ZNF667: variants seen among roughly 807,000 people sequenced by gnomAD.
The protein encoded by ZNF667 is zinc finger protein 667.
A neutral mutation model predicts 31.8 loss-of-function variants in ZNF667; 13 were observed. That is an observed-to-expected ratio of 0.41 (90% CI 0.27 to 0.65). The LOEUF (loss-of-function observed/expected upper bound fraction) is 0.65. Among genes scored for constraint, ZNF667 ranks in the 30% least tolerant of loss-of-function variants. ZNF667 has a pLI of 0.32. For missense variants in ZNF667, 642 were observed against 725.6 expected (o/e 0.88, Z 1.32); for synonymous variants, 228 against 247.1 (o/e 0.92, Z 0.73).
At position 56,471,849 on chromosome 19, in the gene ZNF667, T is replaced by C. The variant is rs1203985793; in HGVS notation, c.-210A>G. ...TTGAGAAGATGATTCTTGTCTGATA[T>C]GGTCTGGCTGTGTCCCCACTCAAAT... On this transcript the variant is annotated 5_prime_UTR_variant, in exon 3 of 7. Coordinates refer to ENST00000504904, the MANE Select transcript of ZNF667 (RefSeq NM_001321356.2). 6.6e-6 allele frequency: 1 copy of C among 152,194 alleles called. No homozygotes were observed. Among genetic ancestry groups the C allele is most frequent in the Non-Finnish European group, 1.5e-5 (1 of 68,042 alleles). The allele number at this position is 152,194 out of a possible 1,614,324, so 9.4% of individuals were successfully genotyped here. A position where few individuals can be genotyped will look rare whatever the true frequency, so the allele number is the denominator to read the frequency against.
chr19:56,475,443 C>T (rs2043384926), intron 1 of ZNF667: 1 of 152,286 alleles, frequency 6.6e-6, no homozygotes. Flanking sequence ...TGTCCATGCG[C>T]TTGCATCACG....
At chr19:56,448,886 CCAGCA>C (rs939314944) in intron 6 of ZNF667, among the ~76,000 whole-genome samples, 47 of 152,278 alleles carry the variant, frequency 3.1e-4, no homozygotes, top group African/African-American at 1.1e-3. Flanking sequence ...CGGGTCAGAC[CCAGCA>C]CAGTCCCAGT....
intron 5 of ZNF667, among the ~76,000 whole-genome samples, chr19:56,460,366 A>G (rs2043019500): frequency 6.6e-6 from 1 of 152,210 alleles, no homozygotes; most frequent in Admixed American, 6.5e-5. Flanking sequence ...AGAGAGATAG[A>G]AAGTGGACTA....
rs1375972238 is a variant in ZNF667, at chr19:56,470,540, T to C, written c.-60+1159A>G. ...GAGCTTTAACTGATGGAGCCTGGATTTGAGGCCCTATCCACAAGCCGCACA... is the reference window on the plus strand; with the variant it reads ...GAGCTTTAACTGATGGAGCCTGGATCTGAGGCCCTATCCACAAGCCGCACA... On this transcript the variant is annotated intron_variant, in intron 3 of 6. Transcript: ENST00000504904. Among the ~76,000 whole-genome samples the C allele has an allele frequency of 2.6e-5, 4 of 152,244 alleles. No individual in the cohort carries two copies. In the East Asian group the frequency reaches 7.7e-4, roughly 29 times the overall value.
chr19:56,476,533 C>G (rs1023559375), intron 1 of ZNF667, among the ~76,000 whole-genome samples: 1 of 152,166 alleles, frequency 6.6e-6, no homozygotes, highest in Non-Finnish European at 1.5e-5. Flanking sequence ...AAGCTCTGTG[C>G]AGGGTGTTTC....
intron 2 of ZNF667, among the ~76,000 whole-genome samples, chr19:56,473,401 T>A (rs8108715): frequency 0.59 from 89,456 of 152,050 alleles, 27,091 homozygotes; most frequent in Middle Eastern, 0.72. Flanking sequence ...AATGCTAAGA[T>A]TTTCATTATT....
At chr19:56,465,592 A>G (rs2043142167) in intron 3 of ZNF667, among the ~76,000 whole-genome samples, 1 of 152,254 alleles carries the variant, frequency 6.6e-6, no homozygotes, top group Non-Finnish European at 1.5e-5. Flanking sequence ...CCAGATGGGA[A>G]GGTGGAAGCA....
upstream of ZNF667, chr19:56,477,608 A>C (rs559397278): frequency 1.8e-3 from 271 of 152,622 alleles, 1 homozygote; most frequent in Non-Finnish European, 2.9e-3. Context: ...CTCCTAGGGG[A>C]CTGGCGCCTG....
chr19:56,449,887 C>CTT (rs1299387998), intron 6 of ZNF667, among the ~76,000 whole-genome samples: 1 of 149,474 alleles, frequency 6.7e-6, no homozygotes. Context: ...ATTGATCAAG[C>CTT]AGAAGAAATA....
At position 56,460,789 on chromosome 19, in the gene ZNF667, G is replaced by A. The variant is rs553552504; in HGVS notation, c.60C>T (p.Ala20=). Residue 20 remains alanine (A), a synonymous_variant, in exon 5 of 7, where the codon GCC becomes GCT. Transcript: ENST00000504904. Reference sequence around the variant, plus strand: ...CCCACTCCTCCTGGGAGAAGTAGATGGCTAAGTCCCCAAATGTTATAGGTG... The same window carrying A: ...CCCACTCCTCCTGGGAGAAGTAGATAGCTAAGTCCCCAAATGTTATAGGTG... ...SKAPITFGDL[A]IYFSQEEWEW... 6.2e-7 allele frequency: 1 copy of A among 1,608,124 alleles called. No homozygotes were observed. Among genetic ancestry groups the A allele is most frequent in the Admixed American group, 1.7e-5 (1 of 58,790 alleles).
chr19:56,448,464 G>C (rs1197202158), intron 6 of ZNF667, among the ~76,000 whole-genome samples: 2 of 152,096 alleles, frequency 1.3e-5, no homozygotes, highest in Non-Finnish European at 2.9e-5. Flanking sequence ...AGAACCAGTG[G>C]ACTTGGGGTA....
At chr19:56,464,417 C>T (rs1490577596) in intron 3 of ZNF667, among the ~76,000 whole-genome samples, 1 of 152,098 alleles carries the variant, frequency 6.6e-6, no homozygotes, top group African/African-American at 2.4e-5. Flanking sequence ...TTGCTTGAGC[C>T]TGGGAGGCAG....
chr19:56,470,722 G>T (rs1004304847), intron 3 of ZNF667, among the ~76,000 whole-genome samples: 1 of 152,136 alleles, frequency 6.6e-6, no homozygotes, highest in Non-Finnish European at 1.5e-5. Flanking sequence ...AGCATATCAT[G>T]TTAAGACTGA....
rs538152342 is a variant in ZNF667, at chr19:56,450,098, A to T, written c.254-7357T>A. 2.6e-5 allele frequency among the ~76,000 whole-genome samples: 4 copies of T among 152,228 alleles called. No homozygotes were observed. The East Asian group carries it at 5.8e-4, about 22-fold the overall frequency. ...GAGAACTTTCCAAACCTGGAGAAAG[A>T]TGTCAAAATTCAAGTACAAGGAGGT... On this transcript the variant is annotated intron_variant, in intron 6 of 6. Transcript: ENST00000504904.
At chr19:56,447,976 T>C (rs2042740190) in intron 6 of ZNF667, among the ~76,000 whole-genome samples, 1 of 152,096 alleles carries the variant, frequency 6.6e-6, no homozygotes, top group African/African-American at 2.4e-5. Context: ...TAACGCCAAA[T>C]TGAACAACTA....
chr19:56,458,384 G>C, intron 5 of ZNF667, 137 bp from the exon 6 acceptor site: 1 of 692,510 alleles, frequency 1.4e-6, no homozygotes, highest in South Asian at 1.6e-5. Flanking sequence ...CTGGAGAATG[G>C]GGAGTGTGAT....
In ZNF667 at chr19:56,442,699, T is replaced by A. The variant is rs2042639013; in HGVS notation, c.296A>T (p.Gln99Leu). Residue 99 changes from glutamine (Q) to leucine (L), a missense_variant, in exon 7 of 7, where the codon CAA becomes CTA. Gln to Leu is a moderately radical substitution (Grantham distance 113). Transcript: ENST00000504904. ...GATGCTTTGCCCAGATTTGTTGCAT[T>A]GATTTGGAGGTAACTTCTTGGTCTC... ...KCETKKLPPN[Q>L]CNKSGQSICQ... 6.2e-7 allele frequency: 1 copy of A among 1,607,954 alleles called. No homozygotes were observed. Among genetic ancestry groups the A allele is most frequent in the African/African-American group, 1.3e-5 (1 of 74,596 alleles).
At chr19:56,459,331 G>A (rs1319741092) in intron 5 of ZNF667, among the ~76,000 whole-genome samples, 1 of 152,164 alleles carries the variant, frequency 6.6e-6, no homozygotes, top group African/African-American at 2.4e-5. Flanking sequence ...TCTATTATCT[G>A]TTTTGTGGTG....
At chr19:56,458,053 T>G in intron 6 of ZNF667, 102 bp downstream of exon 6, 29 of 1,050,568 alleles carry the variant, frequency 2.8e-5, no homozygotes, top group Non-Finnish European at 3.8e-5. Context: ...TCCAGAACTG[T>G]GAGAAGTAGA....
Sources: allele counts gnomAD v4.1 joint callset (sites outside exome capture counted in the v4.1 genomes callset), GRCh38; gene constraint gnomAD v4.1.1; transcripts MANE v1.5; gene names NCBI Gene and HGNC (gene_info 2026-07-23, HGNC 2026-07-21).